Variants in NDE1 observed in about 807,000 individuals in gnomAD.
NDE1 encodes nuclear distribution protein nudE homolog 1.
In NDE1, 28 loss-of-function variants were observed where a neutral mutation model predicts 43.4. The observed-to-expected ratio is 0.65, with a 90% CI of 0.48 to 0.89. The LOEUF (loss-of-function observed/expected upper bound fraction) is 0.89. NDE1 is among the 40% of genes least tolerant of loss of function. The pLI, the probability that NDE1 is intolerant of heterozygous loss-of-function variation, is 0.00. For synonymous variants in NDE1, 184 were observed against 172.0 expected, an observed-to-expected ratio of 1.07 and a Z score of -0.55; for missense variants, 441 against 434.1, an observed-to-expected ratio of 1.02 and a Z score of -0.14.
intron 8 of NDE1, chr16:15,718,846 G>C: frequency 2.5e-6 from 1 of 405,756 alleles, no homozygotes; most frequent in South Asian, 2.3e-5. Context: ...GGGGGTCCAG[G>C]GCCAGGCACG....
Position 15,687,378 on chromosome 16 carries a change from C to T in NDE1, c.390C>T (p.Ala130=), listed in dbSNP as rs926784221. ...ACTCTGCTTTTCTCTTCGCCAGCGCCACGATCATGTCTCTCGAAGACTTTG... is the reference window on the plus strand; with the variant it reads ...ACTCTGCTTTTCTCTTCGCCAGCGCTACGATCATGTCTCTCGAAGACTTTG... ...ANDDLERAKR[A]TIMSLEDFEQ... Residue 130 remains alanine, a synonymous_variant, in exon 5 of 9, where the codon GCC becomes GCT. Coordinates refer to ENST00000396354, the MANE Select transcript of NDE1 (RefSeq NM_017668.3). 1 of 1,614,150 alleles carries T rather than the reference C, an allele frequency of 6.2e-7. No homozygotes were observed. Among genetic ancestry groups the T allele is most frequent in the Admixed American group, 1.7e-5 (1 of 60,008 alleles).
chr16:15,699,011 A>G (rs1396516020), intron 8 of NDE1, among the ~76,000 whole-genome samples: 1 of 151,850 alleles, frequency 6.6e-6, no homozygotes, highest in Non-Finnish European at 1.5e-5. Flanking sequence ...CAGCCTCCCA[A>G]GTAGCTGGGG....
At chr16:15,706,545 T>C (rs905002479) in intron 8 of NDE1, among the ~76,000 whole-genome samples, 1 of 152,088 alleles carries the variant, frequency 6.6e-6, no homozygotes, top group African/African-American at 2.4e-5. Flanking sequence ...CCGTCTCTAC[T>C]AAATATACTA....
Position 15,652,776 on chromosome 16 carries a change from G to A in NDE1, c.-44+2482G>A, listed in dbSNP as rs144788196. ...CCTCTCAGGCTCAAGCAATCCTCTT[G>A]CCTGAGCCTCCCAAGTAGCTGGGAC... On this transcript the variant is annotated intron_variant, in intron 1 of 8. Coordinates refer to ENST00000396354, the MANE Select transcript of NDE1 (RefSeq NM_017668.3). 4.2e-3 allele frequency among the ~76,000 whole-genome samples: 634 copies of A among 152,156 alleles called. 4 individuals are homozygous for A. The highest frequency in any genetic ancestry group is 0.015 in the African/African-American group (603 of 41,514).
intron 8 of NDE1, among the ~76,000 whole-genome samples, chr16:15,706,412 C>T (rs2039458790): frequency 6.6e-6 from 1 of 152,172 alleles, no homozygotes; most frequent in African/African-American, 2.4e-5. Flanking sequence ...CAGGTTCAAA[C>T]CCTGATGGGT....
At position 15,725,863 on chromosome 16, in the gene NDE1, G is replaced by A; in HGVS notation, c.*1612G>A. 1 of 394,774 alleles carries A rather than the reference G, an allele frequency of 2.5e-6. No homozygotes were observed. The highest frequency in any genetic ancestry group is 3.6e-5 in the East Asian group (1 of 27,874). The allele number at this position is 394,774 out of a possible 1,614,324, so 24.5% of individuals were successfully genotyped here. ...TAAAACCCCTCAACAGCTTCACATT[G>A]CCCAGAGTAAGGATCAACATACATG... On this transcript the variant is annotated 3_prime_UTR_variant, in exon 9 of 9. Coordinates refer to ENST00000396354, the MANE Select transcript of NDE1 (RefSeq NM_017668.3).
At chr16:15,650,070 C>T (rs1774256548), upstream of NDE1, among the ~76,000 whole-genome samples, 1 of 152,244 alleles carries the variant, frequency 6.6e-6, no homozygotes, top group Admixed American at 6.5e-5. Flanking sequence ...GGCCAGGAGC[C>T]TTCGCCGCTT....
chr16:15,646,811 G>A (rs2036340095), upstream of NDE1, among the ~76,000 whole-genome samples: 1 of 152,026 alleles, frequency 6.6e-6, no homozygotes, highest in South Asian at 2.1e-4. Context: ...AGCACTTTTG[G>A]AGGCTGAGGC....
chr16:15,720,095 C>G, intron 8 of NDE1: 2 of 1,611,772 alleles, frequency 1.2e-6, no homozygotes, highest in Non-Finnish European at 1.7e-6. Context: ...CTTCGGTGGC[C>G]TGAGGGGAAC....
intron 8 of NDE1, chr16:15,721,743 G>A (rs2040496832): frequency 1.8e-6 from 2 of 1,113,374 alleles, no homozygotes; most frequent in Non-Finnish European, 2.7e-6. Context: ...TGAGGTGCAG[G>A]TGTAAGCAGT....
chr16:15,718,342 G>A lies in NDE1; in HGVS notation c.948-5849G>A, dbSNP rs139620532. On this transcript the variant is annotated intron_variant, in intron 8 of 8. Coordinates refer to ENST00000396354, the MANE Select transcript of NDE1 (RefSeq NM_017668.3). ...GCTGTGTGGCTTTGCGGACCCGGTC[G>A]CTCATGGCCTCCATGTTGCCCTGCT... is the stretch of plus-strand genomic sequence containing the variant. 21 of 1,608,920 alleles carry A rather than the reference G, an allele frequency of 1.3e-5. No homozygotes were observed. Among genetic ancestry groups the A allele is most frequent in the African/African-American group, 5.3e-5 (4 of 74,904 alleles).
chr16:15,686,780 C>T (rs540082926), intron 4 of NDE1, among the ~76,000 whole-genome samples: 3 of 152,252 alleles, frequency 2.0e-5, no homozygotes, highest in Non-Finnish European at 4.4e-5. Flanking sequence ...AATCTGGGCT[C>T]ACTACAACCT....
intron 7 of NDE1, among the ~76,000 whole-genome samples, chr16:15,695,290 C>T (rs555242127): frequency 6.3e-5 from 9 of 143,192 alleles, no homozygotes; most frequent in African/African-American, 2.4e-4. Flanking sequence ...GGTGGATCAC[C>T]TGAAGTCAGG....
intron 8 of NDE1, chr16:15,718,956 C>A (rs983674221): frequency 1.7e-5 from 8 of 479,854 alleles, no homozygotes; most frequent in Admixed American, 1.3e-4. Flanking sequence ...GGTGAAACCC[C>A]ACCTCTACTA....
At chr16:15,699,936 T>C (rs1303732849) in intron 8 of NDE1, 1 of 1,230,228 alleles carries the variant, frequency 8.1e-7, no homozygotes, top group Non-Finnish European at 1.0e-6. Context: ...GCAGTCACCA[T>C]AGTTAGTTAG....
Position 15,721,539 on chromosome 16 carries a change from G to A in NDE1, c.948-2652G>A, listed in dbSNP as rs776746865. 1.2e-6 allele frequency: 2 copies of A among 1,614,062 alleles called. No homozygotes were observed. The highest frequency in any genetic ancestry group is 1.6e-4 in the Middle Eastern group (1 of 6,084). The stretch of plus-strand genomic sequence containing the variant: ...AGGCCTCTTCAAGGGCCCGAGCCAG[G>A]GACAGGGCCTTGGTTTCCTTCTCCC... On this transcript the variant is annotated intron_variant, in intron 8 of 8. Coordinates refer to ENST00000396354, the MANE Select transcript of NDE1 (RefSeq NM_017668.3).
chr16:15,672,113 G>T (rs1248951030), intron 3 of NDE1, among the ~76,000 whole-genome samples: 1 of 151,908 alleles, frequency 6.6e-6, no homozygotes, highest in Non-Finnish European at 1.5e-5. Flanking sequence ...AATATCAAGA[G>T]AATTACTCAG....
intron 8 of NDE1, among the ~76,000 whole-genome samples, chr16:15,709,950 G>A (rs1010103273): frequency 3.9e-5 from 6 of 152,124 alleles, no homozygotes; most frequent in Non-Finnish European, 7.4e-5. Flanking sequence ...GTCGAGATGC[G>A]TCTGGCTGAT....
chr16:15,667,414 T>G lies in NDE1; in HGVS notation c.212T>G (p.Leu71Arg), dbSNP rs1420224906. ...NRDLLSENNR[L>R]RMELETIKEK... ...GACCTCCTGTCCGAAAATAACCGCC[T>G]TCGCATGGAGCTGGAAACCATCAAG... The change falls in exon 3 of 9, where the codon CTT becomes CGT. Residue 71 changes from leucine to arginine, a missense_variant. Coordinates refer to ENST00000396354, the MANE Select transcript of NDE1 (RefSeq NM_017668.3). The G allele has an allele frequency of 1.2e-6, 2 of 1,613,788 alleles. No individual in the cohort carries two copies. Among genetic ancestry groups the G allele is most frequent in the Non-Finnish European group, 1.7e-6 (2 of 1,179,860 alleles).
Sources: gnomAD v4.1 joint callset for allele counts (sites outside exome capture counted in the v4.1 genomes callset) on GRCh38, gnomAD v4.1.1 for gene constraint, MANE v1.5 for transcripts, NCBI Gene and HGNC (gene_info 2026-07-23, HGNC 2026-07-21) for gene names.